The following PCDHAC2 variants were observed in gnomAD, a reference collection of about 807,000 sequenced individuals.
PCDHAC2 encodes protocadherin alpha subfamily C, 2.
Under a neutral mutation model 63.3 loss-of-function variants are expected in PCDHAC2, and 24 were observed. That is an observed-to-expected ratio of 0.38 (90% CI 0.27 to 0.53). The LOEUF (loss-of-function observed/expected upper bound fraction) is 0.53. Among genes scored for constraint, PCDHAC2 ranks in the 20% least tolerant of loss-of-function variants. The pLI is 0.81. For synonymous variants in PCDHAC2, 569 were observed against 529.4 expected, an observed-to-expected ratio of 1.07 and a Z score of -1.03; for missense variants, 1,181 against 1,275.2, an observed-to-expected ratio of 0.93 and a Z score of 1.12.
rs142570778 is a variant in PCDHAC2 at position 141,009,810 on chromosome 5, A to G, written c.2897A>G (p.Asp966Gly). ...CAGGAGCCTACTAACAGCCAAATTG[A>G]CAAAAGTGACTTCATAACCTTCGGC... ...IRQEPTNSQI[D>G]KSDFITFGKK... The change falls in exon 4 of 4, where the codon GAC (aspartate) becomes GGC (glycine). Residue 966 changes from aspartate to glycine, a missense_variant. Asp to Gly is a moderately conservative substitution (Grantham distance 94). Transcript: ENST00000289269. 8 of 1,614,016 alleles carry G rather than the reference A, an allele frequency of 5.0e-6. No individual in the cohort carries two copies. Among genetic ancestry groups the G allele is most frequent in the Admixed American group, 3.3e-5 (2 of 60,000 alleles).
chr5:141,003,520 C>G (rs1171208921), intron 3 of PCDHAC2, among the ~76,000 whole-genome samples: 2 of 152,244 alleles, frequency 1.3e-5, no homozygotes, highest in Middle Eastern at 3.4e-3. Flanking sequence ...ACCATGTTCC[C>G]TAGGCTGGTC....
intron 3 of PCDHAC2, among the ~76,000 whole-genome samples, chr5:140,984,330 A>C (rs2097097334): frequency 6.6e-6 from 1 of 152,204 alleles, no homozygotes; most frequent in Admixed American, 6.5e-5. Context: ...CAAATGTGGA[A>C]TAGGAACCAT....
rs1210767626 is a variant in PCDHAC2 at position 141,010,197 on chromosome 5, C to T, written c.*260C>T. 1 of 1,552,200 alleles carries T rather than the reference C, an allele frequency of 6.4e-7. No homozygotes were observed. The highest frequency in any genetic ancestry group is 1.2e-5 in the South Asian group (1 of 84,134). On this transcript the variant is annotated 3_prime_UTR_variant, in exon 4 of 4. Coordinates refer to ENST00000289269, the MANE Select transcript of PCDHAC2 (RefSeq NM_018899.6). ...AAAAGCAGACCCAAGTTTCCTTTCT[C>T]CTCCGCCGCAAAGGAGAGGCTTCCC...
At chr5:140,975,876 A>G (rs573852863) in intron 1 of PCDHAC2, among the ~76,000 whole-genome samples, 1 of 152,230 alleles carries the variant, frequency 6.6e-6, no homozygotes, top group South Asian at 2.1e-4. Context: ...TACCTAATTG[A>G]TTTTTTCCAC....
rs2098415068 is a variant in PCDHAC2, at chr5:141,009,865, AAAG to A, written c.2959_2961del (p.Lys987del). The A allele has an allele frequency of 3.1e-6, 5 of 1,614,074 alleles. No homozygotes were observed. The highest frequency in any genetic ancestry group is 4.5e-5 in the East Asian group (2 of 44,872). On this transcript the variant is annotated inframe_deletion, in exon 4 of 4. Transcript: ENST00000289269. ...AGGAGGAGACCAAGAAAAAGAAGAA[AAAG>A]AAGAAGGGTAACAAGACCCAGGAGA...
In PCDHAC2 at chr5:140,986,535, G is replaced by A. The variant is rs552843991; in HGVS notation, c.2713+3972G>A. Among the ~76,000 whole-genome samples, 134 of 152,300 alleles carry A rather than the reference G, an allele frequency of 8.8e-4. 1 individual carries two copies. Among genetic ancestry groups the A allele is most frequent in the Non-Finnish European group, 1.4e-3 (98 of 68,024 alleles). Reference sequence around the variant, plus strand: ...CCCTGCCTGTGAGGGAACTGGCCTGGCTTCAGTGGGCCAGGCTGCTTTGTT... The same window carrying A: ...CCCTGCCTGTGAGGGAACTGGCCTGACTTCAGTGGGCCAGGCTGCTTTGTT... On this transcript the variant is annotated intron_variant, in intron 3 of 3. Transcript: ENST00000289269.
chr5:140,994,377 G>T (rs1260163825), intron 3 of PCDHAC2, among the ~76,000 whole-genome samples: 3 of 152,098 alleles, frequency 2.0e-5, no homozygotes, highest in Non-Finnish European at 4.4e-5. Context: ...GGAAATTCAG[G>T]GGACTAAGTC....
intron 1 of PCDHAC2, 115 bp downstream of exon 1, chr5:140,969,446 C>A (rs782526198): frequency 6.5e-7 from 1 of 1,541,082 alleles, no homozygotes; most frequent in African/African-American, 1.4e-5. Flanking sequence ...ATCTGGTAAA[C>A]TGAGTATATA....
At chr5:140,979,779 G>C (rs778402540) in intron 2 of PCDHAC2, among the ~76,000 whole-genome samples, 1 of 152,186 alleles carries the variant, frequency 6.6e-6, no homozygotes, top group Non-Finnish European at 1.5e-5. Flanking sequence ...AAATGGGAAG[G>C]ACCAAGAAAC....
At chr5:140,989,598 T>C (rs369591964) in intron 3 of PCDHAC2, among the ~76,000 whole-genome samples, 431 of 152,260 alleles carry the variant, frequency 2.8e-3, no homozygotes, top group Middle Eastern at 6.8e-3. Flanking sequence ...CTGACACAAG[T>C]AAACTAAAAA....
rs1190939164 is a variant in PCDHAC2, at chr5:140,968,882, C to T, written c.2116C>T (p.Leu706Phe). ...KSPRTYSEIT[L>F]YLIIALSTVS... ...CCCTCGGACATACTCTGAAATTACC[C>T]TTTATCTAATAATAGCATTAAGCAC... Residue 706 changes from leucine to phenylalanine, a missense_variant, in exon 1 of 4, where the codon CTT (leucine) becomes TTT (phenylalanine). Leu to Phe is a conservative substitution (Grantham distance 22, BLOSUM62 0). Transcript: ENST00000289269. 6 of 1,614,066 alleles carry T rather than the reference C, an allele frequency of 3.7e-6. No individual in the cohort carries two copies. The African/African-American group carries it at 6.7e-5, about 18-fold the overall frequency.
chr5:141,006,127 C>CA (rs2098257011), intron 3 of PCDHAC2, among the ~76,000 whole-genome samples: 1 of 147,760 alleles, frequency 6.8e-6, no homozygotes, highest in Admixed American at 6.7e-5. Flanking sequence ...TTTCTCAAGG[C>CA]AGTAGAAAGC....
At chr5:140,997,466 T>G (rs2097771241) in intron 3 of PCDHAC2, among the ~76,000 whole-genome samples, 2 of 152,186 alleles carry the variant, frequency 1.3e-5, no homozygotes, top group Admixed American at 1.3e-4. Context: ...CTGTAGGCAA[T>G]TTTTACACAA....
chr5:140,990,977 G>T (rs1554251868), intron 3 of PCDHAC2, among the ~76,000 whole-genome samples: 1 of 152,156 alleles, frequency 6.6e-6, no homozygotes, highest in African/African-American at 2.4e-5. Context: ...CAAGAGAAAG[G>T]AAGACAATAG....
At chr5:140,978,566 T>G (rs1554239422) in intron 1 of PCDHAC2, among the ~76,000 whole-genome samples, 1 of 152,204 alleles carries the variant, frequency 6.6e-6, no homozygotes, top group East Asian at 1.9e-4. Flanking sequence ...ATAGCTGTAA[T>G]ACTGAATTGG....
chr5:140,993,462 TCACACACACACACACACA>T (rs3836747), intron 3 of PCDHAC2, among the ~76,000 whole-genome samples: 75 of 141,044 alleles, frequency 5.3e-4, no homozygotes, highest in African/African-American at 1.6e-3. Flanking sequence ...TCTTTCTTTC[TCACACACACACACACACA>T]CACACACACA....
chr5:141,005,463 G>A (rs2098214977), intron 3 of PCDHAC2, among the ~76,000 whole-genome samples: 1 of 151,944 alleles, frequency 6.6e-6, no homozygotes. Context: ...CAGCACTTTG[G>A]GAGGCCGAGA....
intron 3 of PCDHAC2, among the ~76,000 whole-genome samples, chr5:140,988,459 G>A (rs1554250155): frequency 6.6e-6 from 1 of 152,152 alleles, no homozygotes; most frequent in Admixed American, 6.5e-5. Context: ...AGGAAGCAAG[G>A]GTGTGGGAAG....
intron 3 of PCDHAC2, among the ~76,000 whole-genome samples, chr5:140,988,678 T>G (rs190740461): frequency 6.6e-6 from 1 of 152,314 alleles, no homozygotes. Context: ...CTAAGATAAT[T>G]CTTTCCCTAG....
Sources: allele counts gnomAD v4.1 joint callset (sites outside exome capture counted in the v4.1 genomes callset), GRCh38; gene constraint gnomAD v4.1.1; transcripts MANE v1.5; gene names NCBI Gene and HGNC (gene_info 2026-07-23, HGNC 2026-07-21).